Variants in PPFIA1 observed in about 807,000 individuals in gnomAD.
PPFIA1 encodes the protein liprin-alpha-1.
PPFIA1 carries 25 observed loss-of-function variants against 149.9 expected under a neutral mutation model. That is an observed-to-expected ratio of 0.17 (90% CI 0.12 to 0.23). The LOEUF (loss-of-function observed/expected upper bound fraction) is 0.23. PPFIA1 is among the 10% of genes least tolerant of loss of function. PPFIA1 has a pLI of 1.00. For missense variants in PPFIA1, 1,362 were observed against 1,506.5 expected (o/e 0.90, Z 1.59); for synonymous variants, 549 against 552.8 (o/e 0.99, Z 0.10).
chr11:70,283,561 G>A (rs968926957), intron 2 of PPFIA1, among the ~76,000 whole-genome samples: 1 of 152,158 alleles, frequency 6.6e-6, no homozygotes, highest in African/African-American at 2.4e-5. Flanking sequence ...GCAGTGGAAG[G>A]TGTGCTGGAT....
chr11:70,320,314 G>C (rs1012396140), intron 2 of PPFIA1: 2 of 152,206 alleles, frequency 1.3e-5, no homozygotes, highest in African/African-American at 4.8e-5. Flanking sequence ...GAATTGACTG[G>C]ATTTCACTGG....
chr11:70,355,981 C>G (rs1021353958), intron 18 of PPFIA1, among the ~76,000 whole-genome samples, 170 bp downstream of exon 18: 4 of 152,204 alleles, frequency 2.6e-5, no homozygotes, highest in African/African-American at 9.6e-5. Context: ...ACTTGCCACT[C>G]AGGTACAACA....
At chr11:70,272,031 A>G in intron 1 of PPFIA1, 142 bp from the exon 2 acceptor site, 2 of 954,556 alleles carry the variant, frequency 2.1e-6, no homozygotes, top group African/African-American at 1.7e-5. Flanking sequence ...ATGTTTTCCC[A>G]GCTTATTTAC....
chr11:70,367,952 C>T (rs569075440), intron 21 of PPFIA1, among the ~76,000 whole-genome samples: 13 of 152,172 alleles, frequency 8.5e-5, no homozygotes, highest in South Asian at 6.2e-4. Context: ...GCCTGGGCAA[C>T]GTGGGGAAAC....
intron 23 of PPFIA1, chr11:70,374,239 C>A (rs188543378): frequency 1.3e-5 from 2 of 152,236 alleles, no homozygotes; most frequent in Non-Finnish European, 2.9e-5. Flanking sequence ...TCGTGACACA[C>A]GCCTGTAGTT....
At chr11:70,379,731 AAAAAG>A (rs1161911574) in intron 26 of PPFIA1, among the ~76,000 whole-genome samples, 3 of 152,204 alleles carry the variant, frequency 2.0e-5, no homozygotes, top group African/African-American at 4.8e-5. Flanking sequence ...GTATAAAAAT[AAAAAG>A]AAAAGTACAT....
chr11:70,343,375 G>A (rs903830312), intron 14 of PPFIA1, among the ~76,000 whole-genome samples: 6 of 152,120 alleles, frequency 3.9e-5, no homozygotes, highest in East Asian at 1.9e-4. Context: ...CACCCTTCCC[G>A]GCTGATTTTC....
intron 3 of PPFIA1, 116 bp from the exon 4 acceptor site, chr11:70,324,731 C>T (rs1452284615): frequency 2.0e-5 from 21 of 1,068,720 alleles, no homozygotes; most frequent in African/African-American, 8.0e-5. Flanking sequence ...TGTTTTTCTG[C>T]GGAATTGAAG....
chr11:70,297,440 G>T (rs1236047988), intron 2 of PPFIA1, among the ~76,000 whole-genome samples: 1 of 152,048 alleles, frequency 6.6e-6, no homozygotes, highest in Non-Finnish European at 1.5e-5. Flanking sequence ...GAAAAAAGAT[G>T]TAAACAATAT....
At position 70,337,371 on chromosome 11, in the gene PPFIA1, C is replaced by G; in HGVS notation, c.1435C>G (p.Leu479Val). 1 of 1,590,972 alleles carries G rather than the reference C, an allele frequency of 6.3e-7. No homozygotes were observed. The highest frequency in any genetic ancestry group is 8.6e-7 in the Non-Finnish European group (1 of 1,166,076). ...ACTATCTGTCTTTTTTCAGAACTCT[C>G]TTTTAAGAGAAGTTGAAAGTGCAAA... ...RMAALEDKNS[L>V]LREVESAKKQ... The change falls in exon 12 of 28, where the codon CTT becomes GTT. Residue 479 changes from leucine to valine, a missense_variant. Physicochemically the swap from Leu to Val is conservative, Grantham distance 32. Coordinates refer to ENST00000253925, the MANE Select transcript of PPFIA1 (RefSeq NM_003626.5).
At chr11:70,369,259 A>G (rs1194048770) in intron 21 of PPFIA1, among the ~76,000 whole-genome samples, 1 of 152,018 alleles carries the variant, frequency 6.6e-6, no homozygotes, top group Non-Finnish European at 1.5e-5. Context: ...GTTTTTTTTC[A>G]ATCTCTTCAT....
chr11:70,345,438 A>G (rs992540123), intron 15 of PPFIA1, among the ~76,000 whole-genome samples: 2 of 152,114 alleles, frequency 1.3e-5, no homozygotes, highest in African/African-American at 4.8e-5. Flanking sequence ...GAGCATGTTC[A>G]GTGTATTGTT....
At chr11:70,275,264 AT>A (rs2050316907) in intron 2 of PPFIA1, among the ~76,000 whole-genome samples, 1 of 152,088 alleles carries the variant, frequency 6.6e-6, no homozygotes, top group Non-Finnish European at 1.5e-5. Context: ...TGAAACGGTT[AT>A]CTTTTGCCCA....
Position 70,374,992 on chromosome 11 carries a change from CTT to C in PPFIA1, c.3215_3216del (p.Leu1072HisfsTer14). 1 of 1,613,838 alleles carries C rather than the reference CTT, an allele frequency of 6.2e-7. No homozygotes were observed. Among genetic ancestry groups the C allele is most frequent in the Non-Finnish European group, 8.5e-7 (1 of 1,179,904 alleles). ...TGGCCTTAAAGAATATGCAAACAAT[CTT>C]ATAGAGAGTGGTGTTCACGGAGCAC... Reference protein sequence around the residue: ...SIGLKEYANNLIESGVHGALL... With the variant: ...SIGLKEYANNXIESGVHGALL... On this transcript the variant is annotated frameshift_variant, in exon 24 of 28. Coordinates refer to ENST00000253925, the MANE Select transcript of PPFIA1 (RefSeq NM_003626.5). LOFTEE classifies it high-confidence loss of function.
chr11:70,319,586 C>G (rs1007799928), intron 2 of PPFIA1, among the ~76,000 whole-genome samples: 1 of 152,212 alleles, frequency 6.6e-6, no homozygotes. Flanking sequence ...CCAACACACC[C>G]ATTTTGAGCA....
intron 2 of PPFIA1, among the ~76,000 whole-genome samples, chr11:70,286,530 C>T (rs753157135): frequency 6.6e-6 from 1 of 152,088 alleles, no homozygotes; most frequent in African/African-American, 2.4e-5. Flanking sequence ...GGATTACAGG[C>T]GTGAGCCACT....
At chr11:70,301,570 C>T (rs1449073813) in intron 2 of PPFIA1, among the ~76,000 whole-genome samples, 2 of 152,134 alleles carry the variant, frequency 1.3e-5, no homozygotes, top group Non-Finnish European at 2.9e-5. Flanking sequence ...AGGCATTAGA[C>T]AAATATAGTT....
rs140193214 is a variant in PPFIA1, at chr11:70,376,406, C to T, written c.3316-126C>T. The T allele has an allele frequency of 1.1e-3, 1,011 of 900,740 alleles. 3 individuals are homozygous for T. Among genetic ancestry groups the T allele is most frequent in the African/African-American group, 3.7e-3 (221 of 60,158 alleles). The allele number at this position is 900,740 out of a possible 1,614,324, so 55.8% of individuals were successfully genotyped here. ...CGTCCGAAAGTGTTGGAATTACAGG[C>T]GTGAGCCACCAGACCCAGCCAGCAG... On this transcript the variant is annotated intron_variant, in intron 24 of 27. Transcript: ENST00000253925.
At chr11:70,319,571 T>C (rs553238053) in intron 2 of PPFIA1, among the ~76,000 whole-genome samples, 77 of 152,314 alleles carry the variant, frequency 5.1e-4, no homozygotes, top group Middle Eastern at 3.4e-3. Flanking sequence ...CGACCTTTCA[T>C]TGCTCCAACA....
Sources: allele counts gnomAD v4.1 joint callset (sites outside exome capture counted in the v4.1 genomes callset), GRCh38; gene constraint gnomAD v4.1.1; transcripts MANE v1.5; gene names NCBI Gene and HGNC (gene_info 2026-07-23, HGNC 2026-07-21).